Variants in SLC10A7 observed in about 807,000 individuals in gnomAD.
SLC10A7 encodes the protein solute carrier family 10 member 7.
Under a neutral mutation model 43.2 loss-of-function variants are expected in SLC10A7, and 29 were observed. The ratio of observed to expected loss-of-function variants is 0.67; its 90% CI spans 0.50 to 0.92. SLC10A7 has a LOEUF of 0.92. Among genes scored for constraint, SLC10A7 ranks in the 40% least tolerant of loss-of-function variants. The pLI is 0.00. For missense variants in SLC10A7, 295 were observed against 403.2 expected, an observed-to-expected ratio of 0.73 and a Z score of 2.30; for synonymous variants, 152 against 144.8, an observed-to-expected ratio of 1.05 and a Z score of -0.35.
intron 5 of SLC10A7, among the ~76,000 whole-genome samples, chr4:146,436,120 CT>C (rs1730191013): frequency 6.6e-6 from 1 of 151,916 alleles, no homozygotes; most frequent in Non-Finnish European, 1.5e-5. Context: ...TTGTAAGTTG[CT>C]GGTCATTCCT....
chr4:146,299,102 TCTCC>T (rs1560775918), intron 7 of SLC10A7, among the ~76,000 whole-genome samples: 1 of 152,240 alleles, frequency 6.6e-6, no homozygotes, highest in Non-Finnish European at 1.5e-5. Context: ...GTCTTTTTCT[TCTCC>T]CTCTAGTTCC....
intron 10 of SLC10A7, among the ~76,000 whole-genome samples, chr4:146,262,157 A>G (rs545905143): frequency 6.6e-6 from 1 of 151,770 alleles, no homozygotes; most frequent in Non-Finnish European, 1.5e-5. Context: ...CTTTCTTTCA[A>G]CCTCTCCCCC....
intron 6 of SLC10A7, among the ~76,000 whole-genome samples, chr4:146,311,467 G>T (rs1203134608): frequency 6.6e-6 from 1 of 152,048 alleles, no homozygotes; most frequent in East Asian, 1.9e-4. Context: ...TCCTATCAGG[G>T]AAATCCATTA....
chr4:146,400,460 C>T (rs1686215628), intron 5 of SLC10A7, among the ~76,000 whole-genome samples: 1 of 152,148 alleles, frequency 6.6e-6, no homozygotes. Context: ...GGTTCACAGT[C>T]ATCCTATTCT....
chr4:146,443,352 C>T (rs1193912036), intron 4 of SLC10A7, among the ~76,000 whole-genome samples: 1 of 152,018 alleles, frequency 6.6e-6, no homozygotes, highest in East Asian at 1.9e-4. Flanking sequence ...ACCATTAATT[C>T]TAAGGTAAAG....
At chr4:146,492,765 T>C (rs1039486009) in intron 4 of SLC10A7, among the ~76,000 whole-genome samples, 1 of 152,192 alleles carries the variant, frequency 6.6e-6, no homozygotes, top group Non-Finnish European at 1.5e-5. Flanking sequence ...TTTAATGCAA[T>C]AAAAATAGAT....
chr4:146,378,150 G>A (rs1737343331), intron 5 of SLC10A7, among the ~76,000 whole-genome samples: 3 of 152,200 alleles, frequency 2.0e-5, no homozygotes, highest in Admixed American at 2.0e-4. Context: ...GAGGTCTAGT[G>A]ATGACAACAA....
At chr4:146,484,381 A>T (rs183007865) in intron 4 of SLC10A7, among the ~76,000 whole-genome samples, 1 of 152,170 alleles carries the variant, frequency 6.6e-6, no homozygotes, top group East Asian at 1.9e-4. Flanking sequence ...GAATAAATCA[A>T]CCAGACAGAA....
At chr4:146,489,398 GTC>G (rs909092891) in intron 4 of SLC10A7, among the ~76,000 whole-genome samples, 1 of 152,142 alleles carries the variant, frequency 6.6e-6, no homozygotes, top group Non-Finnish European at 1.5e-5. Context: ...AAATTTCTTA[GTC>G]TCTTTTTGTG....
chr4:146,499,699 T>C (rs980157337), intron 4 of SLC10A7, among the ~76,000 whole-genome samples: 1 of 152,212 alleles, frequency 6.6e-6, no homozygotes, highest in African/African-American at 2.4e-5. Context: ...TTATATCTTA[T>C]ACCCCTGGTC....
chr4:146,462,484 A>T (rs1053399864), intron 4 of SLC10A7, among the ~76,000 whole-genome samples: 2 of 152,152 alleles, frequency 1.3e-5, no homozygotes, highest in African/African-American at 4.8e-5. Context: ...GATTACAAGG[A>T]AGAGCTCCCC....
intron 5 of SLC10A7, among the ~76,000 whole-genome samples, chr4:146,328,415 C>T (rs1733307524): frequency 6.6e-6 from 1 of 152,194 alleles, no homozygotes; most frequent in Non-Finnish European, 1.5e-5. Flanking sequence ...GGACAACATT[C>T]CAGGGCCTGG....
Position 146,493,717 on chromosome 4 carries a change from A to G in SLC10A7, c.396+10132T>C, listed in dbSNP as rs1378228614. Among the ~76,000 whole-genome samples the G allele has an allele frequency of 1.3e-5, 2 of 152,208 alleles. 1 individual carries two copies. Among genetic ancestry groups the G allele is most frequent in the African/African-American group, 4.8e-5 (2 of 41,452 alleles). On this transcript the variant is annotated intron_variant, in intron 4 of 11. Coordinates refer to ENST00000335472, the MANE Select transcript of SLC10A7 (RefSeq NM_001029998.6). ...GGCTCCCCATGCCCTTTAATTCCCAAACGGGCTATCTTGGGTATCTGACAT... is the reference window on the plus strand; with the variant it reads ...GGCTCCCCATGCCCTTTAATTCCCAGACGGGCTATCTTGGGTATCTGACAT...
chr4:146,326,445 T>TG (rs1733110499), intron 5 of SLC10A7, among the ~76,000 whole-genome samples: 1 of 152,200 alleles, frequency 6.6e-6, no homozygotes, highest in African/African-American at 2.4e-5. Flanking sequence ...GTCATGATTT[T>TG]GTAATGTGAA....
intron 5 of SLC10A7, among the ~76,000 whole-genome samples, chr4:146,389,465 G>C (rs1738259279): frequency 6.6e-6 from 1 of 152,170 alleles, no homozygotes; most frequent in Non-Finnish European, 1.5e-5. Flanking sequence ...CCAGATCTTG[G>C]ATTTGCAGCT....
At chr4:146,306,112 A>C in intron 6 of SLC10A7, 103 bp from the exon 7 acceptor site, 1 of 838,970 alleles carries the variant, frequency 1.2e-6, no homozygotes, top group Non-Finnish European at 1.7e-6. Context: ...CGCACCAAAA[A>C]TTTGGTAGCT....
At chr4:146,491,607 T>C (rs972484016) in intron 4 of SLC10A7, among the ~76,000 whole-genome samples, 1 of 149,608 alleles carries the variant, frequency 6.7e-6, no homozygotes, top group Non-Finnish European at 1.5e-5. Context: ...AAAGTAATTA[T>C]ATTTTGGAAA....
chr4:146,518,459 C>T (rs1247991925), intron 1 of SLC10A7, among the ~76,000 whole-genome samples: 1 of 152,150 alleles, frequency 6.6e-6, no homozygotes, highest in Middle Eastern at 3.4e-3. Flanking sequence ...TGTGCCAAGG[C>T]TGAGAAATCT....
At chr4:146,462,792 TGTAA>T (rs1056519559) in intron 4 of SLC10A7, among the ~76,000 whole-genome samples, 5 of 152,240 alleles carry the variant, frequency 3.3e-5, no homozygotes, top group Non-Finnish European at 7.4e-5. Flanking sequence ...AACAACGGTG[TGTAA>T]GTAACTCTGA....
Sources: gnomAD v4.1 joint callset for allele counts (sites outside exome capture counted in the v4.1 genomes callset) on GRCh38, gnomAD v4.1.1 for gene constraint, MANE v1.5 for transcripts, NCBI Gene and HGNC (gene_info 2026-07-23, HGNC 2026-07-21) for gene names.